The following PHACTR2 variants were observed in gnomAD, a reference collection of about 807,000 sequenced individuals.
PHACTR2 encodes chromosome 6 open reading frame 56.
In PHACTR2, 30 loss-of-function variants were observed where a neutral mutation model predicts 76.0. The ratio of observed to expected loss-of-function variants is 0.39; its 90% CI spans 0.30 to 0.54. The LOEUF (loss-of-function observed/expected upper bound fraction) is 0.54, where lower values mean the gene tolerates loss of function less well. PHACTR2 is among the 20% of genes least tolerant of loss of function. The pLI, the probability that PHACTR2 is intolerant of heterozygous loss-of-function variation, is 0.61. For synonymous variants in PHACTR2, 292 were observed against 292.5 expected (o/e 1.00, Z 0.02); for missense variants, 696 against 781.1 (o/e 0.89, Z 1.30).
rs780640008 is a variant in PHACTR2 at position 143,595,714 on chromosome 6, A to G, written c.217+58507A>G. Among the ~76,000 whole-genome samples the G allele has an allele frequency of 1.2e-4, 19 of 152,178 alleles. No homozygotes were observed. The highest frequency in any genetic ancestry group is 2.5e-4 in the Non-Finnish European group (17 of 68,036). ...AGCCCTCTTTCGTGAAGAGGACTAG[A>G]GGTGGTTTTGTTGTTGTTTTTAAAG... On this transcript the variant is annotated intron_variant, in intron 1 of 11. Transcript: ENST00000367584. This position sits in a 1 kb window ranked among gnomAD's most constrained non-coding sequence, Gnocchi z 4.2.
At chr6:143,718,885 T>TG (rs1562281281) in intron 2 of PHACTR2, among the ~76,000 whole-genome samples, 1 of 147,752 alleles carries the variant, frequency 6.8e-6, no homozygotes, top group African/African-American at 2.5e-5. Flanking sequence ...GTTTTTTTTT[T>TG]TTTTTTTTTT....
chr6:143,600,660 C>T (rs774271139), intron 1 of PHACTR2, among the ~76,000 whole-genome samples: 14 of 152,218 alleles, frequency 9.2e-5, no homozygotes, highest in Non-Finnish European at 1.8e-4. Flanking sequence ...TATCTCAATG[C>T]CTTTTACAGG....
At chr6:143,609,230 T>C (rs1775938029) in intron 1 of PHACTR2, among the ~76,000 whole-genome samples, 1 of 152,192 alleles carries the variant, frequency 6.6e-6, no homozygotes, top group Admixed American at 6.5e-5. Flanking sequence ...TGGTGAAACA[T>C]ATTTGTTTAT....
At chr6:143,572,276 A>G (rs9390110) in intron 1 of PHACTR2, among the ~76,000 whole-genome samples, 93,198 of 151,942 alleles carry the variant, frequency 0.61, 28,914 homozygotes, top group Middle Eastern at 0.72. Flanking sequence ...CTCTTTGCTG[A>G]ATTTTTGATA....
At position 143,783,212 on chromosome 6, in the gene PHACTR2, T is replaced by C. The variant is rs745515828; in HGVS notation, c.1646-7T>C. The C allele has an allele frequency of 6.3e-7, 1 of 1,590,214 alleles. No homozygotes were observed. Among genetic ancestry groups the C allele is most frequent in the South Asian group, 1.1e-5 (1 of 90,074 alleles). ...TGTCATCACGACTTTCCTCCTTTAA[T>C]AAACAGAAAAGAATGAAGAAGAGGA... is the stretch of plus-strand genomic sequence containing the variant. On this transcript the variant is annotated splice_region_variant and splice_polypyrimidine_tract_variant and intron_variant, in intron 9 of 12. Coordinates refer to ENST00000440869, the MANE Select transcript of PHACTR2 (RefSeq NM_001100164.2). The surrounding 1 kb of genome is among the most constrained non-coding windows in gnomAD (Gnocchi z 5.2).
chr6:143,682,674 C>T (rs7738179), intron 1 of PHACTR2, among the ~76,000 whole-genome samples: 83,816 of 151,916 alleles, frequency 0.55, 24,058 homozygotes, highest in African/African-American at 0.73. Flanking sequence ...TTTTTTCTTA[C>T]TTAATAGTTC....
intron 12 of PHACTR2, among the ~76,000 whole-genome samples, chr6:143,813,964 A>G (rs1439922372): frequency 6.6e-6 from 1 of 152,232 alleles, no homozygotes; most frequent in African/African-American, 2.4e-5. Context: ...ATCCTTACTG[A>G]TAACATAGTC....
At chr6:143,726,169 G>A (rs1257773758) in intron 2 of PHACTR2, among the ~76,000 whole-genome samples, 1 of 152,190 alleles carries the variant, frequency 6.6e-6, no homozygotes, top group Non-Finnish European at 1.5e-5. Context: ...AACTTTATAA[G>A]CAAATGCCAA....
chr6:143,607,245 A>G (rs911727249), upstream of PHACTR2, among the ~76,000 whole-genome samples: 1 of 152,210 alleles, frequency 6.6e-6, no homozygotes. Flanking sequence ...CGTAGGTCCT[A>G]TGAGGTCATT....
rs1020879103 is a variant in PHACTR2 at position 143,755,400 on chromosome 6, G to T, written c.454+1488G>T. On this transcript the variant is annotated intron_variant, in intron 4 of 12. Transcript: ENST00000440869. This position sits in a 1 kb window ranked among gnomAD's most constrained non-coding sequence, Gnocchi z 5.2. ...ATTACGTAACAGTGCCATCTCTGGT[G>T]CCTGGTCCGTGCAGGGTATTCGTCA... 4.4e-6 allele frequency: 2 copies of T among 456,008 alleles called. No homozygotes were observed. Among genetic ancestry groups the T allele is most frequent in the Non-Finnish European group, 8.8e-6 (2 of 226,776 alleles). The allele number at this position is 456,008 out of a possible 1,614,324, so 28.2% of individuals were successfully genotyped here.
Position 143,599,375 on chromosome 6 carries a change from GC to G in PHACTR2, c.217+62171del, listed in dbSNP as rs1460063163. Reference sequence around the variant, plus strand: ...TTTTTAGGCATTTTTAGGAATTTTGGCCCTGCCTGGACCACACTGTTTATTG... The same window carrying G: ...TTTTTAGGCATTTTTAGGAATTTTGGCCTGCCTGGACCACACTGTTTATTG... On this transcript the variant is annotated intron_variant, in intron 1 of 11. Coordinates refer to the PHACTR2 transcript ENST00000367584. The surrounding 1 kb of genome is among the most constrained non-coding windows in gnomAD (Gnocchi z 4.6). Among the ~76,000 whole-genome samples, 1 of 152,052 alleles carries G rather than the reference GC, an allele frequency of 6.6e-6. No homozygotes were observed. Among genetic ancestry groups the G allele is most frequent in the African/African-American group, 2.4e-5 (1 of 41,418 alleles).
chr6:143,545,264 G>A (rs774368150), intron 1 of PHACTR2, among the ~76,000 whole-genome samples: 8 of 152,144 alleles, frequency 5.3e-5, no homozygotes, highest in Non-Finnish European at 1.0e-4. Flanking sequence ...TTTTTATACA[G>A]CTACCCATGA....
At position 143,578,645 on chromosome 6, in the gene PHACTR2, T is replaced by TGAG. The variant is rs200001036; in HGVS notation, c.217+41456_217+41458dup. On this transcript the variant is annotated intron_variant, in intron 1 of 11. Transcript: ENST00000367584. The surrounding 1 kb of genome is among the most constrained non-coding windows in gnomAD (Gnocchi z 4.5). ...GAGGGCCTGGACAATGAGGAGAGGA[T>TGAG]GAGGAGGAGGAGGAGGAGGAAGGAG... Among the ~76,000 whole-genome samples, 37 of 150,682 alleles carry TGAG rather than the reference T, an allele frequency of 2.5e-4. No individual in the cohort carries two copies. Among genetic ancestry groups the TGAG allele is most frequent in the Admixed American group, 1.7e-3 (26 of 15,106 alleles).
chr6:143,598,884 T>C lies in PHACTR2; in HGVS notation c.217+61677T>C, dbSNP rs1199613847. ...GTCCACCTAGAGCCATTTAAATGGC[T>C]GGCATTGATGCTTTCTGTTATCTGT... is the stretch of plus-strand genomic sequence containing the variant. On this transcript the variant is annotated intron_variant, in intron 1 of 11. Coordinates refer to the PHACTR2 transcript ENST00000367584. This position sits in a 1 kb window ranked among gnomAD's most constrained non-coding sequence, Gnocchi z 4.1. Among the ~76,000 whole-genome samples, 1 of 152,252 alleles carries C rather than the reference T, an allele frequency of 6.6e-6. No homozygotes were observed. The highest frequency in any genetic ancestry group is 1.5e-5 in the Non-Finnish European group (1 of 68,050).
Position 143,550,759 on chromosome 6 carries a change from G to A in PHACTR2, c.217+13552G>A, listed in dbSNP as rs990092947. 7.9e-5 allele frequency among the ~76,000 whole-genome samples: 12 copies of A among 152,050 alleles called. No individual in the cohort carries two copies. The highest frequency in any genetic ancestry group is 1.9e-4 in the East Asian group (1 of 5,178). On this transcript the variant is annotated intron_variant, in intron 1 of 11. Transcript: ENST00000367584. This position sits in a 1 kb window ranked among gnomAD's most constrained non-coding sequence, Gnocchi z 4.8. ...AAAAACAAACAAACAAAGATTAGGG[G>A]CGAGTGCGGTGGCTCACGCCTGTAA...
intron 1 of PHACTR2, among the ~76,000 whole-genome samples, chr6:143,563,595 T>C (rs947507341): frequency 1.3e-5 from 2 of 151,418 alleles, no homozygotes; most frequent in South Asian, 4.2e-4. Flanking sequence ...GTTCTTTCTC[T>C]TGACATAGTG....
Position 143,818,690 on chromosome 6 carries a change from G to A in PHACTR2, c.1923-4984G>A, listed in dbSNP as rs1480913250. On this transcript the variant is annotated intron_variant, in intron 12 of 12. Transcript: ENST00000440869. The surrounding 1 kb of genome is among the most constrained non-coding windows in gnomAD (Gnocchi z 4.9). ...CACAGGGCAGCAGGAGAGAGAATGAGTGCCGAGTGCAGGGAGAAGCCCAAT... is the reference window on the plus strand; with the variant it reads ...CACAGGGCAGCAGGAGAGAGAATGAATGCCGAGTGCAGGGAGAAGCCCAAT... 7.2e-5 allele frequency among the ~76,000 whole-genome samples: 11 copies of A among 152,140 alleles called. No individual in the cohort carries two copies. The highest frequency in any genetic ancestry group is 7.2e-4 in the Admixed American group (11 of 15,278).
intron 1 of PHACTR2, among the ~76,000 whole-genome samples, chr6:143,632,556 G>A (rs1014276003): frequency 6.6e-6 from 1 of 152,158 alleles, no homozygotes; most frequent in East Asian, 1.9e-4. Context: ...CACTAGAATG[G>A]TGGATGATTT....
intron 1 of PHACTR2, among the ~76,000 whole-genome samples, chr6:143,622,752 A>G (rs1420775076): frequency 6.6e-6 from 1 of 152,230 alleles, no homozygotes; most frequent in African/African-American, 2.4e-5. Context: ...TGTGTTTGAC[A>G]TTAAACCAAA....
Sources: allele counts gnomAD v4.1 joint callset (sites outside exome capture counted in the v4.1 genomes callset), GRCh38; gene constraint gnomAD v4.1.1; non-coding constraint Gnocchi (gnomAD v3.1); transcripts MANE v1.5; gene names NCBI Gene and HGNC (gene_info 2026-07-23, HGNC 2026-07-21).